POLK: variants seen among roughly 807,000 people sequenced by gnomAD.
The protein encoded by POLK is polymerase (DNA directed) kappa.
POLK carries 76 observed loss-of-function variants against 94.0 expected under a neutral mutation model. The observed-to-expected ratio is 0.81, with a 90% CI of 0.67 to 0.98. The LOEUF (loss-of-function observed/expected upper bound fraction) is 0.98, where lower values mean the gene tolerates loss of function less well. Ranked by LOEUF, POLK falls within the 50% of genes least tolerant of loss-of-function variation. The pLI is 0.00. For missense variants in POLK, 954 were observed against 1,010.1 expected, an observed-to-expected ratio of 0.94 and a Z score of 0.75; for synonymous variants, 349 against 325.4, an observed-to-expected ratio of 1.07 and a Z score of -0.78.
Position 75,528,986 on chromosome 5 carries a change from G to A in POLK, c.-14+17072G>A, listed in dbSNP as rs553315311. Reference sequence around the variant, plus strand: ...CAAGTCCCTGATATAAAATGGCATAGCATTTACATATAACCTTTATATAGT... The same window carrying A: ...CAAGTCCCTGATATAAAATGGCATAACATTTACATATAACCTTTATATAGT... On this transcript the variant is annotated intron_variant, in intron 1 of 14. Transcript: ENST00000241436. Among the ~76,000 whole-genome samples the A allele has an allele frequency of 2.9e-4, 44 of 152,236 alleles. 1 individual carries two copies. In the South Asian group the frequency reaches 3.7e-3, roughly 13 times the overall value.
intron 2 of POLK, among the ~76,000 whole-genome samples, chr5:75,548,395 A>G (rs1770159836): frequency 6.6e-6 from 1 of 151,616 alleles, no homozygotes; most frequent in East Asian, 1.9e-4. Context: ...TGTCAACTAC[A>G]TATGGCTTTC....
intron 10 of POLK, among the ~76,000 whole-genome samples, chr5:75,588,731 G>A (rs1772600780): frequency 1.3e-5 from 2 of 152,144 alleles, no homozygotes; most frequent in African/African-American, 4.8e-5. Context: ...TAGAAGCTCT[G>A]GGAGAGAGTC....
In POLK at chr5:75,530,487, C is replaced by T. The variant is rs549645449; in HGVS notation, c.-13-16523C>T. ...TGGCATGATCTAGGCTCACTGTAAC[C>T]TCCACCTCCCAGGTTCAAGCGACTC... On this transcript the variant is annotated intron_variant, in intron 1 of 14. Transcript: ENST00000241436. Among the ~76,000 whole-genome samples, 17 of 145,286 alleles carry T rather than the reference C, an allele frequency of 1.2e-4. No homozygotes were observed. In the East Asian group the frequency reaches 3.1e-3, roughly 26 times the overall value.
chr5:75,602,342 G>A (rs1045697171), downstream of POLK, among the ~76,000 whole-genome samples: 3 of 152,088 alleles, frequency 2.0e-5, no homozygotes, highest in Admixed American at 6.6e-5. Context: ...AAACTATCTC[G>A]TCAAACTAAC....
intron 1 of POLK, among the ~76,000 whole-genome samples, chr5:75,523,586 G>A (rs184920726): frequency 2.6e-5 from 4 of 152,226 alleles, no homozygotes; most frequent in African/African-American, 7.2e-5. Flanking sequence ...GTTTTACTGT[G>A]GAATGAGAAC....
rs775413121 is a variant in POLK at position 75,583,288 on chromosome 5, T to C, written c.935-5T>C. On this transcript the variant is annotated splice_polypyrimidine_tract_variant and splice_region_variant and intron_variant, in intron 7 of 14. Transcript: ENST00000241436. Reference sequence around the variant, plus strand: ...TTTGAGTCATCAGAGTATTCTTCTTTTAAGGCATTGCCCCAAATACAATGT... The same window carrying C: ...TTTGAGTCATCAGAGTATTCTTCTTCTAAGGCATTGCCCCAAATACAATGT... 2 of 1,581,698 alleles carry C rather than the reference T, an allele frequency of 1.3e-6. No homozygotes were observed. The highest frequency in any genetic ancestry group is 1.7e-6 in the Non-Finnish European group (2 of 1,163,706).
intron 11 of POLK, among the ~76,000 whole-genome samples, chr5:75,592,289 G>C (rs905495771): frequency 6.6e-6 from 1 of 152,186 alleles, no homozygotes; most frequent in Non-Finnish European, 1.5e-5. Flanking sequence ...TTCATAAGTC[G>C]TTTTCAGTGA....
chr5:75,549,595 T>C (rs1371625958), intron 2 of POLK, among the ~76,000 whole-genome samples: 1 of 152,154 alleles, frequency 6.6e-6, no homozygotes, highest in South Asian at 2.1e-4. Context: ...CATAGAATAA[T>C]ATATATTCCT....
upstream of POLK, chr5:75,511,728 G>A (rs753714628): frequency 1.7e-5 from 27 of 1,547,356 alleles, no homozygotes; most frequent in Middle Eastern, 3.6e-4. Flanking sequence ...GCGACACGCC[G>A]AGCCTTCGGG....
chr5:75,532,027 C>A (rs571312086), intron 1 of POLK, among the ~76,000 whole-genome samples: 1 of 152,220 alleles, frequency 6.6e-6, no homozygotes, highest in Admixed American at 6.5e-5. Flanking sequence ...GTTAGTAATC[C>A]AAGAGAGAAT....
exon 1 of POLK, chr5:75,511,815 G>A (rs1330698544): frequency 1.9e-5 from 29 of 1,551,340 alleles, no homozygotes; most frequent in Admixed American, 1.8e-4. Flanking sequence ...AGAAAGGAGA[G>A]GGCGGGGTAG....
intron 6 of POLK, among the ~76,000 whole-genome samples, chr5:75,579,108 G>A (rs1427695540): frequency 6.6e-6 from 1 of 152,178 alleles, no homozygotes; most frequent in Non-Finnish European, 1.5e-5. Flanking sequence ...CTCTGATAAT[G>A]TGTGAGAAGG....
In POLK at chr5:75,545,320, T is replaced by A. The variant is rs1769953638; in HGVS notation, c.-13-1690T>A. 9.9e-5 allele frequency among the ~76,000 whole-genome samples: 15 copies of A among 152,216 alleles called. No individual in the cohort carries two copies. In the South Asian group the frequency reaches 3.1e-3, roughly 32 times the overall value. On this transcript the variant is annotated intron_variant, in intron 1 of 14. Transcript: ENST00000241436. ...GTCACAATCGTAATTTATTTTAGAT[T>A]CATGACAGCTGTTCATCTGGCCACT... is the stretch of plus-strand genomic sequence containing the variant.
At chr5:75,597,642 T>A (rs1305138964) in intron 13 of POLK, 105 bp from the exon 14 acceptor site, 2 of 578,122 alleles carry the variant, frequency 3.5e-6, no homozygotes, top group Non-Finnish European at 2.9e-6. Flanking sequence ...TATATAGTAC[T>A]AAGGAAGTTT....
At chr5:75,579,025 G>A (rs1395693115) in intron 6 of POLK, among the ~76,000 whole-genome samples, 2 of 152,156 alleles carry the variant, frequency 1.3e-5, no homozygotes, top group African/African-American at 4.8e-5. Context: ...TCAGCTCTTA[G>A]TTACACAGCC....
rs1772628076 is a variant in POLK at position 75,589,275 on chromosome 5, A to T, written c.1260-1069A>T. ...CATTTACTCATGGGGAACTCTCACC[A>T]TGATAAATTGAGAAAAGCAGGGTAC... On this transcript the variant is annotated intron_variant, in intron 10 of 14. Transcript: ENST00000241436. Among the ~76,000 whole-genome samples the T allele has an allele frequency of 4.6e-5, 7 of 152,178 alleles. 1 individual carries two copies. In the South Asian group the frequency reaches 1.5e-3, roughly 32 times the overall value.
At chr5:75,581,678 C>CTT (rs1158442197) in intron 7 of POLK, 447 of 305,988 alleles carry the variant, frequency 1.5e-3, no homozygotes, top group South Asian at 2.3e-3. Flanking sequence ...ACGTTTCTTT[C>CTT]TTTTTTTTTT....
chr5:75,520,890 A>G (rs758418125), intron 1 of POLK, among the ~76,000 whole-genome samples: 2 of 152,136 alleles, frequency 1.3e-5, no homozygotes, highest in Non-Finnish European at 1.5e-5. Flanking sequence ...GCTGAATATA[A>G]TATTCTTCAA....
intron 6 of POLK, among the ~76,000 whole-genome samples, chr5:75,580,985 G>A (rs1052596224): frequency 6.6e-6 from 1 of 151,040 alleles, no homozygotes; most frequent in Non-Finnish European, 1.5e-5. Flanking sequence ...TATTTATACT[G>A]TGGAAATGGA....
Sources: allele counts gnomAD v4.1 joint callset (sites outside exome capture counted in the v4.1 genomes callset), GRCh38; gene constraint gnomAD v4.1.1; transcripts MANE v1.5; gene names NCBI Gene and HGNC (gene_info 2026-07-23, HGNC 2026-07-21).